CDK6: variants seen among roughly 807,000 people sequenced by gnomAD.
CDK6 encodes the protein cyclin-dependent kinase 6.
CDK6 carries 6 observed loss-of-function variants against 37.1 expected under a neutral mutation model. The ratio of observed to expected loss-of-function variants is 0.16; its 90% confidence interval spans 0.09 to 0.32. The LOEUF (loss-of-function observed/expected upper bound fraction) is 0.32, where lower values mean the gene tolerates loss of function less well. CDK6 is among the 10% of genes least tolerant of loss of function. The pLI is 1.00. For synonymous variants in CDK6, 160 were observed against 161.3 expected, an observed-to-expected ratio of 0.99 and a Z score of 0.06; for missense variants, 224 against 418.9, an observed-to-expected ratio of 0.53 and a Z score of 4.06.
intron 2 of CDK6, among the ~76,000 whole-genome samples, chr7:92,802,183 G>A (rs563256754): frequency 6.6e-6 from 1 of 151,976 alleles, no homozygotes; most frequent in Non-Finnish European, 1.5e-5. Context: ...CCTCCATCCA[G>A]AACTCTGCCA....
At chr7:92,763,889 T>C (rs1799516964) in intron 3 of CDK6, among the ~76,000 whole-genome samples, 1 of 152,182 alleles carries the variant, frequency 6.6e-6, no homozygotes, top group Non-Finnish European at 1.5e-5. Flanking sequence ...CCTGAGACTA[T>C]GTTTGACAAT....
chr7:92,617,251 G>A (rs369031152), intron 7 of CDK6, among the ~76,000 whole-genome samples: 1 of 152,186 alleles, frequency 6.6e-6, no homozygotes, highest in East Asian at 1.9e-4. Context: ...GACCTTCAGG[G>A]GCATTGCATA....
At chr7:92,768,805 C>T (rs552390478) in intron 3 of CDK6, among the ~76,000 whole-genome samples, 24 of 152,114 alleles carry the variant, frequency 1.6e-4, no homozygotes, top group East Asian at 1.9e-4. Context: ...TTCTGGGAAG[C>T]GATATTTTCA....
intron 3 of CDK6, among the ~76,000 whole-genome samples, chr7:92,768,605 G>GA (rs1444019724): frequency 1.3e-5 from 2 of 152,108 alleles, no homozygotes; most frequent in Non-Finnish European, 2.9e-5. Flanking sequence ...ATATTAGATT[G>GA]AAAAAAATTT....
At position 92,820,749 on chromosome 7, in the gene CDK6, A is replaced by G. The variant is rs112601340; in HGVS notation, c.233+12342T>C. On this transcript the variant is annotated intron_variant, in intron 2 of 7. Transcript: ENST00000424848. Reference sequence around the variant, plus strand: ...ATTTTTCAGAGTAGAAAGTCAATAGATATTACTGAAGTTTAAATATCAAGA... The same window carrying G: ...ATTTTTCAGAGTAGAAAGTCAATAGGTATTACTGAAGTTTAAATATCAAGA... Among the ~76,000 whole-genome samples the G allele has an allele frequency of 1.1e-4, 17 of 152,268 alleles. 1 individual carries two copies. The highest frequency in any genetic ancestry group is 4.1e-4 in the African/African-American group (17 of 41,556).
intron 5 of CDK6, among the ~76,000 whole-genome samples, chr7:92,626,465 T>C (rs940686193): frequency 6.6e-6 from 1 of 152,118 alleles, no homozygotes; most frequent in Non-Finnish European, 1.5e-5. Context: ...AACTTACTTT[T>C]ACAGATGGGA....
chr7:92,713,737 C>G (rs920686514), intron 4 of CDK6, among the ~76,000 whole-genome samples: 1 of 150,650 alleles, frequency 6.6e-6, no homozygotes, highest in African/African-American at 2.4e-5. Flanking sequence ...ATCCAACCAG[C>G]TGACTAGTCA....
rs73416987 is a variant in CDK6 at position 92,832,612 on chromosome 7, G to A, written c.233+479C>T. ...TGATGTTTCTGCATCTTGTTAACCT[G>A]ATTTACACTTGGCTCCACCCATAAA... On this transcript the variant is annotated intron_variant, in intron 2 of 7. Transcript: ENST00000424848. 4.4e-3 allele frequency among the ~76,000 whole-genome samples: 672 copies of A among 152,286 alleles called. 4 individuals are homozygous for A. The highest frequency in any genetic ancestry group is 0.015 in the African/African-American group (623 of 41,554).
intron 3 of CDK6, among the ~76,000 whole-genome samples, chr7:92,770,195 C>T (rs933970761): frequency 2.6e-5 from 4 of 152,062 alleles, no homozygotes; most frequent in African/African-American, 9.7e-5. Context: ...CAGCAGCCAA[C>T]AGGCTGCTTT....
chr7:92,679,342 T>TA (rs1464096713), intron 4 of CDK6, among the ~76,000 whole-genome samples: 7 of 152,262 alleles, frequency 4.6e-5, no homozygotes, highest in East Asian at 1.9e-4. Flanking sequence ...AATGAAGATT[T>TA]AAAAAAACAT....
At chr7:92,800,009 C>T (rs575823171) in intron 2 of CDK6, among the ~76,000 whole-genome samples, 38 of 152,308 alleles carry the variant, frequency 2.5e-4, no homozygotes, top group African/African-American at 8.7e-4. Flanking sequence ...CTCACTCAAG[C>T]ATAAAACCAT....
At chr7:92,751,864 A>T (rs781584058) in intron 3 of CDK6, among the ~76,000 whole-genome samples, 1 of 152,166 alleles carries the variant, frequency 6.6e-6, no homozygotes, top group Non-Finnish European at 1.5e-5. Context: ...TACACTTAAG[A>T]GGATTATAAT....
chr7:92,625,544 A>C (rs932320491), intron 5 of CDK6, among the ~76,000 whole-genome samples: 3 of 148,278 alleles, frequency 2.0e-5, no homozygotes, highest in African/African-American at 7.9e-5. Flanking sequence ...AAAAAAAACA[A>C]AACAAAACAA....
intron 3 of CDK6, 26 bp from the exon 4 acceptor site, chr7:92,725,819 A>G: frequency 6.3e-7 from 1 of 1,596,224 alleles, no homozygotes; most frequent in Non-Finnish European, 8.6e-7. Context: ...AAAGAAAATC[A>G]GTAAACACTC....
chr7:92,828,060 T>C (rs1481670400), intron 2 of CDK6, among the ~76,000 whole-genome samples: 3 of 152,106 alleles, frequency 2.0e-5, no homozygotes, highest in Admixed American at 6.6e-5. Context: ...TTCCTACTCC[T>C]CTTTGTCTAA....
chr7:92,738,951 T>A (rs192214930), intron 3 of CDK6, among the ~76,000 whole-genome samples: 1 of 152,160 alleles, frequency 6.6e-6, no homozygotes, highest in African/African-American at 2.4e-5. Context: ...CTTTTTCTTA[T>A]ACTGGTCCTC....
At chr7:92,656,602 A>C (rs189843707) in intron 5 of CDK6, among the ~76,000 whole-genome samples, 1 of 152,216 alleles carries the variant, frequency 6.6e-6, no homozygotes, top group African/African-American at 2.4e-5. Context: ...ACAAATGTAA[A>C]TGTTACACCA....
rs765133445 is a variant in CDK6 at position 92,615,306 on chromosome 7, A to T, written c.835-20T>A. ...ACACTTCTGTAATAAAGAAAAAAAT[A>T]ATTGGTTGATATACAATACATCAAT... is the stretch of plus-strand genomic sequence containing the variant. On this transcript the variant is annotated intron_variant, in intron 7 of 7. Coordinates refer to ENST00000424848, the MANE Select transcript of CDK6 (RefSeq NM_001145306.2). The T allele has an allele frequency of 3.1e-6, 5 of 1,591,342 alleles. No homozygotes were observed. The highest frequency in any genetic ancestry group is 1.3e-5 in the African/African-American group (1 of 74,196).
chr7:92,797,279 C>T (rs1285941504), intron 2 of CDK6, among the ~76,000 whole-genome samples: 1 of 152,136 alleles, frequency 6.6e-6, no homozygotes, highest in Non-Finnish European at 1.5e-5. Flanking sequence ...ATGCAAGTAT[C>T]CTACTATAAC....
Sources: gnomAD v4.1 joint callset for allele counts (sites outside exome capture counted in the v4.1 genomes callset) on GRCh38, gnomAD v4.1.1 for gene constraint, MANE v1.5 for transcripts, NCBI Gene and HGNC (gene_info 2026-07-23, HGNC 2026-07-21) for gene names.